CAPN12: variants seen among roughly 807,000 people sequenced by gnomAD.
CAPN12 encodes the protein calpain 12.
In CAPN12, 107 loss-of-function variants were observed where a neutral mutation model predicts 95.0. The observed-to-expected ratio is 1.13, with a 90% CI of 0.96 to 1.32. The LOEUF is 1.32. CAPN12 is among the 40% of genes most tolerant of loss of function. The pLI is 0.00. For missense variants in CAPN12, 1,136 were observed against 997.8 expected (o/e 1.14, Z -1.87); for synonymous variants, 505 against 415.5 (o/e 1.22, Z -2.62).
intron 5 of CAPN12, chr19:38,739,790 G>C: frequency 2.9e-6 from 1 of 349,674 alleles, no homozygotes; most frequent in Non-Finnish European, 5.1e-6. Context: ...TGCCCATGAG[G>C]GGAGAGCCTG....
rs751553096 is a variant in CAPN12 at position 38,735,361 on chromosome 19, CCTCCTCACCTCTCCAGCCAG to C, written c.1675_1686+8del. 6.3e-7 allele frequency: 1 copy of C among 1,579,396 alleles called. No homozygotes were observed. Among genetic ancestry groups the C allele is most frequent in the Admixed American group, 1.7e-5 (1 of 57,384 alleles). On this transcript the variant is annotated splice_donor_variant and splice_donor_5th_base_variant and coding_sequence_variant and intron_variant, in exon 14 of 21. Transcript: ENST00000328867. LOFTEE classifies it high-confidence loss of function. ...CGGGATACCCCCTCAGTCCAATCCC[CCTCCTCACCTCTCCAGCCAG>C]CTCCTGAAACAGCTGCTCCAACCCC... is the stretch of plus-strand genomic sequence containing the variant.
intron 10 of CAPN12, 147 bp from the exon 11 acceptor site, chr19:38,736,710 G>C: frequency 2.0e-6 from 2 of 1,018,772 alleles, no homozygotes; most frequent in South Asian, 1.8e-5. Context: ...CGCAGTCCCC[G>C]ACCCAGGCCC....
At chr19:38,739,961 G>C (rs1295329422) in intron 5 of CAPN12, 90 bp downstream of exon 5, 2 of 1,324,612 alleles carry the variant, frequency 1.5e-6, no homozygotes, top group East Asian at 2.5e-5. Flanking sequence ...CGGAAGCAGA[G>C]AACAGAGGAA....
chr19:38,741,029 A>C (rs1369392700), intron 4 of CAPN12, among the ~76,000 whole-genome samples: 1 of 151,982 alleles, frequency 6.6e-6, no homozygotes, highest in Non-Finnish European at 1.5e-5. Flanking sequence ...GGAATTTCAG[A>C]GCCTCAGAAT....
In CAPN12 at chr19:38,737,549, C is replaced by G. The variant is rs1371710955; in HGVS notation, c.1055G>C (p.Gly352Ala). Residue 352 changes from glycine to alanine, a missense_variant, in exon 9 of 21, where the codon GGC (glycine) becomes GCC (alanine). By Grantham distance (60) the Gly-to-Ala change is moderately conservative. Transcript: ENST00000328867. ...PEVLGPSPEG[G>A]GWHVHTFQGR... ...TTGGAAGGTGTGGACGTGCCAGCCG[C>G]CCCCCTCCGGGCTGGGGCCCAGCAC... 1.5e-5 allele frequency: 24 copies of G among 1,612,332 alleles called. No individual in the cohort carries two copies. The East Asian group carries it at 4.9e-4, about 33-fold the overall frequency.
rs768819407 is a variant in CAPN12, at chr19:38,738,463, C to T, written c.845G>A (p.Arg282Gln). ...CCACTCCACGCAGCCCCATGGGTTCCGCAGCCGCAGCAGCCGCACCTTGGT... is the reference window on the plus strand; with the variant it reads ...CCACTCCACGCAGCCCCATGGGTTCTGCAGCCGCAGCAGCCGCACCTTGGT... ...GFTKVRLLRL[R>Q]NPWGCVEWTG... The change falls in exon 7 of 21, where the codon CGG (arginine) becomes CAG (glutamine). Residue 282 changes from arginine to glutamine, a missense_variant. Transcript: ENST00000328867. 1.4e-5 allele frequency: 23 copies of T among 1,609,858 alleles called. No homozygotes were observed. Among genetic ancestry groups the T allele is most frequent in the East Asian group, 4.5e-5 (2 of 44,844 alleles).
intron 5 of CAPN12, 178 bp from the exon 6 acceptor site, chr19:38,738,826 G>A: frequency 1.6e-6 from 1 of 617,708 alleles, no homozygotes; most frequent in South Asian, 1.9e-5. Flanking sequence ...AGGAGAGGAA[G>A]GGAGATGGAA....
At position 38,742,471 on chromosome 19, in the gene CAPN12, C is replaced by G. The variant is rs759140142; in HGVS notation, c.365G>C (p.Arg122Pro). Residue 122 changes from arginine (R) to proline (P), a missense_variant, in exon 3 of 21, where the codon CGC becomes CCC. Transcript: ENST00000328867. ...ASLTLYPRLL[R>P]RVVPPGQDFQ... ...ATCCTGTCCAGGAGGGACCACCCGG[C>G]GCAGGAGCCGGGGATACAGAGTAAG... The G allele has an allele frequency of 1.2e-6, 2 of 1,613,748 alleles. No individual in the cohort carries two copies. Among genetic ancestry groups the G allele is most frequent in the African/African-American group, 2.7e-5 (2 of 74,984 alleles).
At position 38,737,330 on chromosome 19, in the gene CAPN12, A is replaced by G. The variant is rs759480239; in HGVS notation, c.1188T>C (p.Asp396=). The part of the protein sequence containing the change: ...RLTLLEPDEE[D]DEDEEGPWGG... ...CCCAGGGCCCTTCCTCATCCTCGTC[A>G]TCCTCCTCATCAGGCTCCAGCAGCG... Residue 396 remains aspartate (D), a synonymous_variant, in exon 10 of 21, where the codon GAT becomes GAC. Coordinates refer to ENST00000328867, the MANE Select transcript of CAPN12 (RefSeq NM_144691.4). 15 of 1,394,400 alleles carry G rather than the reference A, an allele frequency of 1.1e-5. No individual in the cohort carries two copies. Among genetic ancestry groups the G allele is most frequent in the South Asian group, 9.3e-5 (8 of 85,616 alleles). 86.4% of individuals were successfully genotyped at this position (1,394,400 alleles called of 1,614,324 possible).
intron 17 of CAPN12, 159 bp downstream of exon 17, chr19:38,733,983 A>AGGCTGGGTGGG (rs1334555466): frequency 1.2e-6 from 1 of 842,968 alleles, no homozygotes; most frequent in Non-Finnish European, 1.9e-6. Context: ...GGACAAGCTG[A>AGGCTGGGTGGG]GGCTGGGTGG....
At chr19:38,734,064 G>A (rs1406543431) in intron 17 of CAPN12, 78 bp downstream of exon 17, 9 of 1,510,180 alleles carry the variant, frequency 6.0e-6, no homozygotes, top group Non-Finnish European at 8.2e-6. Flanking sequence ...CTGGGGACCT[G>A]ATAGCCCACA....
chr19:38,731,274 G>T, intron 18 of CAPN12, 51 bp from the exon 19 acceptor site: 1 of 1,424,536 alleles, frequency 7.0e-7, no homozygotes, highest in Non-Finnish European at 9.9e-7. Context: ...ACCCACCTTG[G>T]CATTGCATCC....
intron 4 of CAPN12, 123 bp downstream of exon 4, chr19:38,741,654 G>T: frequency 8.2e-7 from 1 of 1,222,496 alleles, no homozygotes. Context: ...GTTGTCACTT[G>T]GTTTGGGATT....
intron 19 of CAPN12, 27 bp downstream of exon 19, chr19:38,731,080 G>A: frequency 9.1e-7 from 1 of 1,093,296 alleles, no homozygotes; most frequent in African/African-American, 1.6e-5. Flanking sequence ...TTCCCCCCAT[G>A]CCCCACCATG....
chr19:38,735,055 T>G, intron 14 of CAPN12, 185 bp from the exon 15 acceptor site: 2 of 619,086 alleles, frequency 3.2e-6, no homozygotes, highest in Admixed American at 3.0e-5. Context: ...TGGTTGCTGG[T>G]GGGGGGCCAG....
Position 38,730,340 on chromosome 19 carries a change from G to A in CAPN12, c.*512C>T, listed in dbSNP as rs2145126842. ...CCCTTGCTGATGCTCCTCCGGGTCT[G>A]CGTCGGGCGTGGGTCTCTGGGGACC... is the stretch of plus-strand genomic sequence containing the variant. On this transcript the variant is annotated 3_prime_UTR_variant, in exon 21 of 21. Transcript: ENST00000328867. 5.8e-6 allele frequency: 1 copy of A among 170,992 alleles called. No homozygotes were observed. The highest frequency in any genetic ancestry group is 1.3e-5 in the Non-Finnish European group (1 of 78,648). The allele number at this position is 170,992 out of a possible 1,614,324, so 10.6% of individuals were successfully genotyped here.
chr19:38,737,449 GCCTCTCAGGGCC>G lies in CAPN12; in HGVS notation c.1129+14_1129+25del. ...GCCACAGCGCCCCCCACCCCAGGAA[GCCTCTCAGGGCC>G]CCTCAGGCCTCACCAGCATTAGGCT... On this transcript the variant is annotated intron_variant, in intron 9 of 20. Coordinates refer to ENST00000328867, the MANE Select transcript of CAPN12 (RefSeq NM_144691.4). 6.2e-7 allele frequency: 1 copy of G among 1,612,136 alleles called. No homozygotes were observed. The highest frequency in any genetic ancestry group is 8.5e-7 in the Non-Finnish European group (1 of 1,179,608).
chr19:38,736,139 A>T lies in CAPN12; in HGVS notation c.1554T>A (p.Arg518=), dbSNP rs1340746418. ...HAGDEADFTL[R]VFSERRHTAV... ...CCGTGTGGCGGCGCTCGGAGAAGACACGCAGAGTGAAGTCAGCCTCGTCGC... is the reference window on the plus strand; with the variant it reads ...CCGTGTGGCGGCGCTCGGAGAAGACTCGCAGAGTGAAGTCAGCCTCGTCGC... The change falls in exon 12 of 21, where the codon CGT becomes CGA. Residue 518 remains arginine, a synonymous_variant. Transcript: ENST00000328867. 6.6e-6 allele frequency: 10 copies of T among 1,512,728 alleles called. No homozygotes were observed. The Admixed American group carries it at 1.9e-4, about 28-fold the overall frequency. 93.7% of individuals were successfully genotyped at this position (1,512,728 alleles called of 1,614,324 possible).
intron 4 of CAPN12, among the ~76,000 whole-genome samples, 166 bp downstream of exon 4, chr19:38,741,611 C>T (rs1213763545): frequency 6.6e-6 from 1 of 150,880 alleles, no homozygotes; most frequent in East Asian, 1.9e-4. Flanking sequence ...CATGAAGTTG[C>T]TCAGGTGATG....
Sources: allele counts gnomAD v4.1 joint callset (sites outside exome capture counted in the v4.1 genomes callset), GRCh38; gene constraint gnomAD v4.1.1; transcripts MANE v1.5; gene names NCBI Gene and HGNC (gene_info 2026-07-23, HGNC 2026-07-21).